OTUD7A: variants seen among roughly 807,000 people sequenced by gnomAD.
OTUD7A encodes OTU domain-containing protein 7A.
In OTUD7A, 12 loss-of-function variants were observed where a neutral mutation model predicts 65.7. That is an observed-to-expected ratio of 0.18 (90% CI 0.12 to 0.30). OTUD7A has a LOEUF of 0.30. Among genes scored for constraint, OTUD7A ranks in the 10% least tolerant of loss-of-function variants. The pLI, the probability that OTUD7A is intolerant of heterozygous loss-of-function variation, is 1.00. For synonymous variants in OTUD7A, 641 were observed against 586.3 expected (o/e 1.09, Z -1.35); for missense variants, 1,148 against 1,304.8 (o/e 0.88, Z 1.85).
At chr15:31,661,691 CAT>C (rs1408411281) in intron 1 of OTUD7A, among the ~76,000 whole-genome samples, 1 of 152,180 alleles carries the variant, frequency 6.6e-6, no homozygotes, top group Non-Finnish European at 1.5e-5. Flanking sequence ...CTCTTTAAAA[CAT>C]AACCACAGTA....
chr15:31,778,782 C>T (rs1395428839), intron 1 of OTUD7A, among the ~76,000 whole-genome samples: 2 of 152,064 alleles, frequency 1.3e-5, no homozygotes, highest in Non-Finnish European at 2.9e-5. Context: ...ACACACACAC[C>T]GAGTGGGGGA....
At chr15:31,737,167 T>A (rs369538770) in intron 1 of OTUD7A, among the ~76,000 whole-genome samples, 3 of 152,200 alleles carry the variant, frequency 2.0e-5, no homozygotes, top group Admixed American at 6.5e-5. Flanking sequence ...ATAGAAATAT[T>A]TAACCAGATA....
intron 1 of OTUD7A, among the ~76,000 whole-genome samples, chr15:31,796,740 T>C (rs1298079629): frequency 6.6e-6 from 1 of 152,208 alleles, no homozygotes; most frequent in African/African-American, 2.4e-5. Flanking sequence ...TTTCAAACAT[T>C]CCTCTTTTCT....
Position 31,614,084 on chromosome 15 carries a change from T to C in OTUD7A, c.151+41012A>G, listed in dbSNP as rs186332060. On this transcript the variant is annotated intron_variant, in intron 3 of 12. Transcript: ENST00000307050. ...CAAACATCATATGTTCTCACTGATA[T>C]GTAGGAGCTAAGCTAAGAGGACACA... Among the ~76,000 whole-genome samples, 27 of 152,216 alleles carry C rather than the reference T, an allele frequency of 1.8e-4. No individual in the cohort carries two copies. In the East Asian group the frequency reaches 3.9e-3, roughly 22 times the overall value.
intron 1 of OTUD7A, among the ~76,000 whole-genome samples, chr15:31,732,696 A>G (rs994320313): frequency 4.6e-5 from 7 of 152,214 alleles, no homozygotes; most frequent in African/African-American, 1.7e-4. Context: ...AAAATATTGT[A>G]TTAGTGAAGA....
intron 1 of OTUD7A, among the ~76,000 whole-genome samples, chr15:31,687,115 A>AAC: frequency 6.6e-6 from 1 of 152,072 alleles, no homozygotes; most frequent in South Asian, 2.1e-4. Context: ...TAGAAAAAAA[A>AAC]AAAAACCACA....
chr15:31,716,285 T>C (rs1459596554), intron 1 of OTUD7A, among the ~76,000 whole-genome samples: 10 of 9,894 alleles, frequency 1.0e-3, no homozygotes, highest in Admixed American at 4.0e-3. Flanking sequence ...TAATACATAC[T>C]ACATATTATG....
chr15:31,610,987 C>G (rs1890402792), intron 3 of OTUD7A, among the ~76,000 whole-genome samples: 1 of 151,926 alleles, frequency 6.6e-6, no homozygotes, highest in Non-Finnish European at 1.5e-5. Context: ...AACTGGAAAT[C>G]AACTCCAAAA....
intron 3 of OTUD7A, among the ~76,000 whole-genome samples, chr15:31,600,226 T>C (rs1253360349): frequency 1.3e-5 from 2 of 152,142 alleles, no homozygotes; most frequent in East Asian, 3.9e-4. Flanking sequence ...AAGGTTGAAA[T>C]GCAGGAAAAA....
intron 1 of OTUD7A, among the ~76,000 whole-genome samples, chr15:31,663,371 T>C (rs758613655): frequency 1.2e-4 from 18 of 152,066 alleles, no homozygotes; most frequent in African/African-American, 1.7e-4. Flanking sequence ...TGGTTTGTTG[T>C]ACCTATCAAC....
At chr15:31,847,758 G>A (rs1228890773) in intron 1 of OTUD7A, among the ~76,000 whole-genome samples, 1 of 152,134 alleles carries the variant, frequency 6.6e-6, no homozygotes, top group Non-Finnish European at 1.5e-5. Context: ...AGGTTTAATT[G>A]ACTCACAGTT....
chr15:31,784,657 G>C (rs76314957), intron 1 of OTUD7A, among the ~76,000 whole-genome samples: 3,521 of 152,108 alleles, frequency 0.023, 161 homozygotes, highest in African/African-American at 0.08. Flanking sequence ...GAATGTAAGG[G>C]AACCTGACAT....
chr15:31,580,078 G>C lies in OTUD7A; in HGVS notation c.152-9881C>G, dbSNP rs75168716. On this transcript the variant is annotated intron_variant, in intron 3 of 12. Transcript: ENST00000307050. The stretch of plus-strand genomic sequence containing the variant: ...CATTTTAGTCTGAGATCAAAAAGAA[G>C]AGTAAAAGTTGTCTTGGCAAAGAAT... Among the ~76,000 whole-genome samples the C allele has an allele frequency of 6.0e-3, 917 of 152,326 alleles. 7 individuals are homozygous for C. Among genetic ancestry groups the C allele is most frequent in the Middle Eastern group, 0.014 (4 of 294 alleles).
At chr15:31,511,851 G>A (rs1456428626) in intron 8 of OTUD7A, among the ~76,000 whole-genome samples, 2 of 151,342 alleles carry the variant, frequency 1.3e-5, no homozygotes, top group East Asian at 3.9e-4. Context: ...CTCTTTTTGA[G>A]GTTTAACCCC....
intron 9 of OTUD7A, among the ~76,000 whole-genome samples, chr15:31,502,507 A>G (rs958687923): frequency 1.3e-5 from 2 of 152,180 alleles, no homozygotes; most frequent in Non-Finnish European, 2.9e-5. Context: ...GCACTCCTTG[A>G]GCAGAATTCA....
In OTUD7A at chr15:31,526,351, C is replaced by A. The variant is rs192591244; in HGVS notation, c.891G>T (p.Gly297=). The change falls in exon 8 of 13, where the codon GGG becomes GGT. Residue 297 remains glycine (G), a splice_region_variant and synonymous_variant. Transcript: ENST00000307050. ...GGGAGAGCAGGGGCAGCACTTACCC[C>A]CCGCCCGTGCCGCCATTCTTGCTGA... ...THFSKNGGTG[G]GVDNSEDPVY... is the part of the protein sequence containing the mutation. 34 of 1,590,042 alleles carry A rather than the reference C, an allele frequency of 2.1e-5. 1 individual carries two copies. The highest frequency in any genetic ancestry group is 2.4e-5 in the Non-Finnish European group (28 of 1,173,014).
chr15:31,629,594 G>T (rs1307242739), intron 3 of OTUD7A, among the ~76,000 whole-genome samples: 3 of 152,188 alleles, frequency 2.0e-5, no homozygotes, highest in Non-Finnish European at 4.4e-5. Context: ...GTATCAGGAT[G>T]ATGCTGGCCT....
Position 31,503,765 on chromosome 15 carries a change from A to G in OTUD7A, c.947T>C (p.Phe316Ser). Residue 316 changes from phenylalanine (F) to serine (S), a missense_variant, in exon 9 of 13, where the codon TTT becomes TCT. Around this residue, in one of 6 missense-constraint regions of OTUD7A, gnomAD observed 58 missense variants for 131.4 expected, o/e 0.44. Coordinates refer to ENST00000307050, the MANE Select transcript of OTUD7A (RefSeq NM_001382637.1). ...CCTTCTTAATATATGGGCTAGGACA[A>G]AAACGTGGAACTCTTCCAGGCTCTC... ...VYESLEEFHV[F>S]VLAHILRRPI... 1 of 1,614,234 alleles carries G rather than the reference A, an allele frequency of 6.2e-7. No individual in the cohort carries two copies. Among genetic ancestry groups the G allele is most frequent in the Non-Finnish European group, 8.5e-7 (1 of 1,180,028 alleles).
chr15:31,723,398 C>G (rs1216223166), intron 1 of OTUD7A, among the ~76,000 whole-genome samples: 7 of 111,132 alleles, frequency 6.3e-5, no homozygotes, highest in Admixed American at 1.7e-4. Context: ...CACGCCACCC[C>G]CCCCCCCCCG....
Sources: gnomAD v4.1 joint callset for allele counts (sites outside exome capture counted in the v4.1 genomes callset) on GRCh38, gnomAD v4.1.1 for gene constraint, gnomAD v4.1.1 regional missense constraint, MANE v1.5 for transcripts, NCBI Gene and HGNC (gene_info 2026-07-23, HGNC 2026-07-21) for gene names.